MMP16: variants seen among roughly 807,000 people sequenced by gnomAD.
MMP16 encodes the protein matrix metallopeptidase 16.
In MMP16, 12 loss-of-function variants were observed where a neutral mutation model predicts 67.8. That is an observed-to-expected ratio of 0.18 (90% confidence interval 0.11 to 0.29). MMP16 has a LOEUF of 0.29. Ranked by LOEUF, MMP16 falls within the 10% of genes least tolerant of loss-of-function variation. The probability of loss-of-function intolerance (pLI) is 1.00; values close to 1 mark genes in which losing one functional copy is unlikely to be tolerated. For synonymous variants in MMP16, 249 were observed against 255.9 expected, an observed-to-expected ratio of 0.97 and a Z score of 0.26; for missense variants, 475 against 765.7, an observed-to-expected ratio of 0.62 and a Z score of 4.48.
At chr8:88,313,979 C>T (rs1026798272) in intron 1 of MMP16, among the ~76,000 whole-genome samples, 1 of 152,126 alleles carries the variant, frequency 6.6e-6, no homozygotes, top group Admixed American at 6.6e-5. Context: ...TACTGTGTTC[C>T]TCCCATACCA....
At chr8:88,188,317 TCTTTA>T (rs1432897112) in intron 2 of MMP16, among the ~76,000 whole-genome samples, 3 of 152,206 alleles carry the variant, frequency 2.0e-5, no homozygotes, top group African/African-American at 7.2e-5. Context: ...TAGGTACTTA[TCTTTA>T]CTTATCTCAT....
intron 4 of MMP16, among the ~76,000 whole-genome samples, chr8:88,151,365 A>T (rs1055901722): frequency 6.7e-6 from 1 of 150,030 alleles, no homozygotes; most frequent in Non-Finnish European, 1.5e-5. Flanking sequence ...AAGCGGACCT[A>T]ATAGACATCT....
chr8:88,180,263 A>G (rs1456415574), intron 3 of MMP16, among the ~76,000 whole-genome samples: 1 of 151,924 alleles, frequency 6.6e-6, no homozygotes, highest in East Asian at 1.9e-4. Context: ...CCTGGGCAAC[A>G]AGAGTGAAAC....
At chr8:88,123,375 G>C (rs1807873395) in intron 4 of MMP16, among the ~76,000 whole-genome samples, 1 of 151,874 alleles carries the variant, frequency 6.6e-6, no homozygotes. Flanking sequence ...AAAATTTCCA[G>C]AGGTAGATGT....
chr8:88,119,762 T>C (rs1389678493), intron 4 of MMP16, among the ~76,000 whole-genome samples: 1 of 152,100 alleles, frequency 6.6e-6, no homozygotes, highest in Non-Finnish European at 1.5e-5. Context: ...CAACGTGGTG[T>C]ATCAAATAGC....
intron 1 of MMP16, among the ~76,000 whole-genome samples, chr8:88,317,583 C>A (rs1382926484): frequency 6.6e-6 from 1 of 152,036 alleles, no homozygotes; most frequent in African/African-American, 2.4e-5. Context: ...AGTGAGAAAA[C>A]CAAACCAGCA....
intron 1 of MMP16, among the ~76,000 whole-genome samples, chr8:88,219,534 A>AT (rs1312171584): frequency 6.6e-6 from 1 of 152,118 alleles, no homozygotes; most frequent in Non-Finnish European, 1.5e-5. Flanking sequence ...TTATTCTTCT[A>AT]TAAGAATTTT....
intron 7 of MMP16, among the ~76,000 whole-genome samples, chr8:88,071,723 GT>G (rs1254455183): frequency 6.6e-6 from 1 of 152,048 alleles, no homozygotes; most frequent in Non-Finnish European, 1.5e-5. Flanking sequence ...TTTATTGAGT[GT>G]TTACTATATT....
In MMP16 at chr8:88,282,003, A is replaced by AT. The variant is rs140318104; in HGVS notation, c.132+45071dup. On this transcript the variant is annotated intron_variant, in intron 1 of 9. Transcript: ENST00000286614. ...GTTCTTGGTAACTAAAATTCTACAC[A>AT]TTTTTTAAAAGAAATATTAACAGAC... 9.1e-3 allele frequency among the ~76,000 whole-genome samples: 1,366 copies of AT among 150,024 alleles called. 21 individuals carry two copies. Among genetic ancestry groups the AT allele is most frequent in the African/African-American group, 0.032 (1,295 of 40,312 alleles).
chr8:88,077,559 T>C (rs1434570688), intron 6 of MMP16, among the ~76,000 whole-genome samples: 1 of 152,194 alleles, frequency 6.6e-6, no homozygotes, highest in Non-Finnish European at 1.5e-5. Context: ...CCACTAAATA[T>C]ATAAGCTCTC....
At chr8:88,049,596 A>G (rs939558552) in intron 8 of MMP16, among the ~76,000 whole-genome samples, 2 of 152,232 alleles carry the variant, frequency 1.3e-5, no homozygotes, top group Non-Finnish European at 2.9e-5. Context: ...ATGCCCTTAC[A>G]ATAGATGCAG....
intron 1 of MMP16, among the ~76,000 whole-genome samples, chr8:88,215,252 C>T (rs531796640): frequency 1.3e-5 from 2 of 152,058 alleles, no homozygotes; most frequent in East Asian, 3.9e-4. Context: ...ATTGCTTGAA[C>T]CCAGGAGGCG....
At chr8:88,201,822 A>C (rs1809349286) in intron 1 of MMP16, among the ~76,000 whole-genome samples, 1 of 152,196 alleles carries the variant, frequency 6.6e-6, no homozygotes, top group African/African-American at 2.4e-5. Context: ...TTGTGGTATC[A>C]TCAGCAAAGG....
chr8:88,048,391 T>C (rs1003803715), intron 8 of MMP16, among the ~76,000 whole-genome samples: 2 of 152,006 alleles, frequency 1.3e-5, no homozygotes, highest in African/African-American at 4.8e-5. Flanking sequence ...TCACTCATTA[T>C]TGTCCATGTA....
chr8:88,291,183 A>G (rs1284922802), intron 1 of MMP16, among the ~76,000 whole-genome samples: 1 of 152,092 alleles, frequency 6.6e-6, no homozygotes, highest in Non-Finnish European at 1.5e-5. Flanking sequence ...CAGGAGGCTG[A>G]GGCAGGAGGA....
chr8:88,086,838 C>T (rs759798409), intron 6 of MMP16, among the ~76,000 whole-genome samples: 1 of 151,822 alleles, frequency 6.6e-6, no homozygotes, highest in Admixed American at 6.6e-5. Context: ...TCTGAAATTA[C>T]CTTGTTTATT....
At chr8:88,089,474 T>C (rs1320795245) in intron 6 of MMP16, among the ~76,000 whole-genome samples, 1 of 151,694 alleles carries the variant, frequency 6.6e-6, no homozygotes, top group Non-Finnish European at 1.5e-5. Flanking sequence ...AGGGAAGGAA[T>C]GGCAATTCTA....
At chr8:88,215,351 G>C (rs752589700) in intron 1 of MMP16, among the ~76,000 whole-genome samples, 51 of 151,798 alleles carry the variant, frequency 3.4e-4, no homozygotes, top group Non-Finnish European at 3.8e-4. Context: ...CTGAATCTAA[G>C]AGCATTTTTT....
intron 4 of MMP16, among the ~76,000 whole-genome samples, chr8:88,141,868 A>G (rs976132894): frequency 6.6e-6 from 1 of 151,978 alleles, no homozygotes; most frequent in African/African-American, 2.4e-5. Context: ...ATGTGACTCT[A>G]TTCTAAAGAA....
Sources: gnomAD v4.1 joint callset for allele counts (sites outside exome capture counted in the v4.1 genomes callset) on GRCh38, gnomAD v4.1.1 for gene constraint, MANE v1.5 for transcripts, NCBI Gene and HGNC (gene_info 2026-07-23, HGNC 2026-07-21) for gene names.